The following BAIAP2 variants were observed in gnomAD, a reference collection of about 807,000 sequenced individuals.
BAIAP2 encodes the protein BAR/IMD domain-containing adapter protein 2.
A neutral mutation model predicts 63.0 loss-of-function variants in BAIAP2; 18 were observed. That is an observed-to-expected ratio of 0.29 (90% confidence interval 0.20 to 0.42). The LOEUF is 0.42. BAIAP2 is among the 10% of genes least tolerant of loss of function. BAIAP2 has a pLI of 1.00. For missense variants in BAIAP2, 610 were observed against 734.3 expected, an observed-to-expected ratio of 0.83 and a Z score of 1.96; for synonymous variants, 386 against 307.6, an observed-to-expected ratio of 1.25 and a Z score of -2.67.
rs553625954 is a variant in BAIAP2, at chr17:81,047,713, C to T, written c.55-5955C>T. 1.3e-3 allele frequency among the ~76,000 whole-genome samples: 201 copies of T among 150,906 alleles called. 1 individual carries two copies. The highest frequency in any genetic ancestry group is 4.7e-3 in the African/African-American group (194 of 41,054). ...CACAGCACACGCACGGGTCCACATGCGTCCAGCACATGTGTGAGTGTGCAT... is the reference window on the plus strand; with the variant it reads ...CACAGCACACGCACGGGTCCACATGTGTCCAGCACATGTGTGAGTGTGCAT... On this transcript the variant is annotated intron_variant, in intron 1 of 13. Coordinates refer to ENST00000428708, the MANE Select transcript of BAIAP2 (RefSeq NM_001144888.2).
At chr17:81,081,746 C>T (rs966563488) in intron 3 of BAIAP2, among the ~76,000 whole-genome samples, 8 of 152,124 alleles carry the variant, frequency 5.3e-5, no homozygotes, top group African/African-American at 1.2e-4. Context: ...TGTGGTTTGC[C>T]GCTGATCCCC....
At chr17:81,050,278 C>G (rs955649957) in intron 1 of BAIAP2, among the ~76,000 whole-genome samples, 17 of 152,236 alleles carry the variant, frequency 1.1e-4, no homozygotes, top group African/African-American at 4.1e-4. Context: ...GCCAGGACAG[C>G]AGCACTTGCG....
intron 3 of BAIAP2, among the ~76,000 whole-genome samples, chr17:81,081,618 G>T (rs1391368767): frequency 6.6e-6 from 1 of 152,148 alleles, no homozygotes; most frequent in Non-Finnish European, 1.5e-5. Flanking sequence ...TGTCCTCTTT[G>T]TCCTTGATCC....
At position 81,087,990 on chromosome 17, in the gene BAIAP2, C is replaced by T. The variant is rs1050011896; in HGVS notation, c.489+1410C>T. On this transcript the variant is annotated intron_variant, in intron 6 of 13. Transcript: ENST00000428708. ...GCAGCGAGCCGTCCTCAAGCTGTTT[C>T]TGTGAACAGAACCTGAGCAGTGGGC... 8 of 152,248 alleles carry T rather than the reference C, an allele frequency of 5.3e-5. No individual in the cohort carries two copies. The East Asian group carries it at 9.7e-4, about 18-fold the overall frequency. 9.4% of individuals were successfully genotyped at this position (152,248 alleles called of 1,614,324 possible). A position where few individuals can be genotyped will look rare whatever the true frequency, so the allele number is the denominator to read the frequency against.
intron 3 of BAIAP2, among the ~76,000 whole-genome samples, chr17:81,058,983 G>A (rs1223666237): frequency 3.9e-5 from 6 of 152,218 alleles, no homozygotes; most frequent in African/African-American, 9.6e-5. Context: ...TCTCCCTAAT[G>A]CTGAGGCTCT....
At chr17:81,036,957 A>AG (rs935856443) in intron 1 of BAIAP2, 208 of 1,535,680 alleles carry the variant, frequency 1.4e-4, no homozygotes, top group Non-Finnish European at 1.6e-4. Context: ...GAGAGTTGGC[A>AG]GGGGGTGAGT....
At chr17:81,036,820 A>G (rs1292454718) in intron 1 of BAIAP2, 3 of 1,477,034 alleles carry the variant, frequency 2.0e-6, no homozygotes, top group South Asian at 1.2e-5. Flanking sequence ...GGTTTATTAA[A>G]TTATTAGTCA....
At chr17:81,069,499 C>T (rs577805873) in intron 3 of BAIAP2, among the ~76,000 whole-genome samples, 8 of 152,304 alleles carry the variant, frequency 5.3e-5, no homozygotes, top group Admixed American at 1.3e-4. Flanking sequence ...TCGGCGGCCC[C>T]CGCTCATGCC....
At chr17:81,079,514 C>T (rs1238850149) in intron 3 of BAIAP2, among the ~76,000 whole-genome samples, 4 of 151,996 alleles carry the variant, frequency 2.6e-5, no homozygotes, top group African/African-American at 7.3e-5. Flanking sequence ...TCTAGCCCTC[C>T]GATGCTCCTC....
intron 3 of BAIAP2, among the ~76,000 whole-genome samples, chr17:81,069,858 A>G (rs945611288): frequency 6.6e-6 from 1 of 152,188 alleles, no homozygotes; most frequent in Non-Finnish European, 1.5e-5. Context: ...GTGCCGTGGG[A>G]CCTGAACAGG....
chr17:81,037,964 G>A (rs185734175), intron 1 of BAIAP2, among the ~76,000 whole-genome samples: 125 of 152,374 alleles, frequency 8.2e-4, no homozygotes, highest in Non-Finnish European at 1.2e-3. Flanking sequence ...CTGTGTCCTC[G>A]GGGAATTTCA....
At chr17:81,066,557 C>G (rs1175621221) in intron 3 of BAIAP2, among the ~76,000 whole-genome samples, 1 of 152,228 alleles carries the variant, frequency 6.6e-6, no homozygotes, top group Non-Finnish European at 1.5e-5. Flanking sequence ...GTCGGCCTCC[C>G]TCTTAGAGGC....
chr17:81,099,831 G>GAC (rs1190564057), intron 6 of BAIAP2, 97 bp from the exon 7 acceptor site: 14 of 1,376,510 alleles, frequency 1.0e-5, no homozygotes, highest in African/African-American at 1.4e-5. Flanking sequence ...GCATGAATGA[G>GAC]ACGTGTCCTT....
In BAIAP2 at chr17:81,103,499, C is replaced by T. The variant is rs2058760555; in HGVS notation, c.643-3C>T. ...CCCTCCCTTCCTGCTGCTTCCACTT[C>T]AGGGCAAGGAGCTGCTGGCGCAGAA... On this transcript the variant is annotated splice_region_variant and splice_polypyrimidine_tract_variant and intron_variant, in intron 7 of 13. Transcript: ENST00000428708. 1 of 1,563,098 alleles carries T rather than the reference C, an allele frequency of 6.4e-7. No individual in the cohort carries two copies. The highest frequency in any genetic ancestry group is 8.6e-7 in the Non-Finnish European group (1 of 1,161,900).
chr17:81,046,849 G>C lies in BAIAP2; in HGVS notation c.55-6819G>C, dbSNP rs1170028839. Among the ~76,000 whole-genome samples the C allele has an allele frequency of 6.6e-6, 1 of 152,168 alleles. No homozygotes were observed. Among genetic ancestry groups the C allele is most frequent in the Non-Finnish European group, 1.5e-5 (1 of 68,032 alleles). On this transcript the variant is annotated intron_variant, in intron 1 of 13. Coordinates refer to ENST00000428708, the MANE Select transcript of BAIAP2 (RefSeq NM_001144888.2). This position sits in a 1 kb window ranked among gnomAD's most constrained non-coding sequence, Gnocchi z 4.5. ...CAAGTCTACGTGGACCAGAGTCGTG[G>C]GTGCTGTGAGGTCCGTGTCTGTGTG...
intron 12 of BAIAP2, 31 bp from the exon 13 acceptor site, chr17:81,108,444 C>T (rs988230255): frequency 3.6e-5 from 58 of 1,613,248 alleles, no homozygotes; most frequent in Middle Eastern, 3.3e-4. Context: ...CCCCGTCACC[C>T]GGCCTGACAT....
Position 81,057,975 on chromosome 17 carries a change from C to CGGGG in BAIAP2, c.217+8_217+9insGGGG. 1.1e-5 allele frequency: 1 copy of CGGGG among 93,244 alleles called. No homozygotes were observed. The highest frequency in any genetic ancestry group is 1.5e-5 in the Non-Finnish European group (1 of 67,108). 5.8% of individuals were successfully genotyped at this position (93,244 alleles called of 1,614,324 possible). On this transcript the variant is annotated intron_variant, in intron 3 of 13. Coordinates refer to ENST00000428708, the MANE Select transcript of BAIAP2 (RefSeq NM_001144888.2). ...AGGGCTCCAAAGAACTCGGTGAGAC[C>CGGGG]CCCCCCCCCCCCCCGCCTGGTAGTC...
At chr17:81,038,904 G>A (rs369995838) in intron 1 of BAIAP2, among the ~76,000 whole-genome samples, 5 of 152,066 alleles carry the variant, frequency 3.3e-5, no homozygotes, top group Non-Finnish European at 7.4e-5. Flanking sequence ...CCTGGGTGGG[G>A]GGGGCAGCAG....
At chr17:81,052,788 G>A (rs1211100642) in intron 1 of BAIAP2, among the ~76,000 whole-genome samples, 1 of 152,192 alleles carries the variant, frequency 6.6e-6, no homozygotes, top group South Asian at 2.1e-4. Context: ...GGGCTGGGTG[G>A]GTTGGGGCCC....
Sources: gnomAD v4.1 joint callset for allele counts (sites outside exome capture counted in the v4.1 genomes callset) on GRCh38, gnomAD v4.1.1 for gene constraint, Gnocchi (gnomAD v3.1) non-coding constraint, MANE v1.5 for transcripts, NCBI Gene and HGNC (gene_info 2026-07-23, HGNC 2026-07-21) for gene names.